The following LZIC variants were observed in gnomAD, a reference collection of about 807,000 sequenced individuals.
LZIC encodes the protein leucine zipper and CTNNBIP1 domain containing.
A neutral mutation model predicts 25.4 loss-of-function variants in LZIC; 28 were observed. That is an observed-to-expected ratio of 1.10 (90% CI 0.82 to 1.51). The LOEUF is 1.51. Among genes scored for constraint, LZIC ranks in the 40% most tolerant of loss-of-function variants. The pLI is 0.00. For missense variants in LZIC, 170 were observed against 211.1 expected (o/e 0.81, Z 1.21); for synonymous variants, 65 against 70.7 (o/e 0.92, Z 0.40).
At chr1:9,934,928 G>GA (rs1412077202) in intron 4 of LZIC, 68 bp from the exon 5 acceptor site, 1 of 1,115,644 alleles carries the variant, frequency 9.0e-7, no homozygotes, top group Non-Finnish European at 1.4e-6. Flanking sequence ...ATAACTGATT[G>GA]ACGGATCCTT....
chr1:9,936,121 T>A (rs1422135604), intron 3 of LZIC, among the ~76,000 whole-genome samples: 3 of 96,778 alleles, frequency 3.1e-5, no homozygotes, highest in Non-Finnish European at 4.7e-5. Flanking sequence ...ACAGCAAGAC[T>A]CTGTCTCAAA....
intron 4 of LZIC, 23 bp from the exon 5 acceptor site, chr1:9,934,883 A>C: frequency 6.5e-7 from 1 of 1,548,930 alleles, no homozygotes; most frequent in Non-Finnish European, 8.9e-7. Flanking sequence ...GAAGGCAAAA[A>C]CTAACCAAAA....
At position 9,931,960 on chromosome 1, in the gene LZIC, C is replaced by G. The variant is rs1640232028; in HGVS notation, c.445G>C (p.Asp149His). The G allele has an allele frequency of 6.2e-7, 1 of 1,613,240 alleles. No individual in the cohort carries two copies. The highest frequency in any genetic ancestry group is 1.1e-5 in the South Asian group (1 of 91,026). The change falls in exon 7 of 8, where the codon GAT becomes CAT. Residue 149 changes from aspartate (D) to histidine (H), a missense_variant. Coordinates refer to ENST00000377223, the MANE Select transcript of LZIC (RefSeq NM_032368.5). ...GCATTTGCTGACAAGAAGGCCTCAT[C>G]ATCTGCAGTCAGCTAAACAAAATGA... ...RKLGEKLTAD[D>H]EAFLSANAGA...
rs370658448 is a variant in LZIC, at chr1:9,940,269, C to T, written c.-9+2355G>A. Among the ~76,000 whole-genome samples the T allele has an allele frequency of 1.2e-4, 19 of 152,158 alleles. No individual in the cohort carries two copies. The East Asian group carries it at 1.4e-3, about 11-fold the overall frequency. ...TCAGCTCACTGCAAGCTCCGCCTCC[C>T]GGGTTCACACCATTCTCCTGCCTCA... On this transcript the variant is annotated intron_variant, in intron 2 of 7. Coordinates refer to ENST00000377223, the MANE Select transcript of LZIC (RefSeq NM_032368.5).
intron 2 of LZIC, among the ~76,000 whole-genome samples, chr1:9,942,239 A>G (rs1640786359): frequency 6.6e-6 from 1 of 152,154 alleles, no homozygotes; most frequent in Non-Finnish European, 1.5e-5. Flanking sequence ...TCTATTTAGC[A>G]CTTATTTCTG....
chr1:9,938,066 T>G (rs1000379633), intron 2 of LZIC, among the ~76,000 whole-genome samples: 4 of 152,044 alleles, frequency 2.6e-5, no homozygotes, highest in Admixed American at 1.3e-4. Context: ...TATATATATA[T>G]GTAGATCAAA....
At chr1:9,940,531 G>A (rs988380618) in intron 2 of LZIC, among the ~76,000 whole-genome samples, 3 of 152,028 alleles carry the variant, frequency 2.0e-5, no homozygotes, top group Admixed American at 1.3e-4. Flanking sequence ...TGTTAGCCAG[G>A]ATGGTCTCAA....
At position 9,932,778 on chromosome 1, in the gene LZIC, T is replaced by C. The variant is rs748791621; in HGVS notation, c.432+25A>G. 8 of 1,336,016 alleles carry C rather than the reference T, an allele frequency of 6.0e-6. No individual in the cohort carries two copies. In the South Asian group the frequency reaches 9.5e-5, roughly 16 times the overall value. 82.8% of individuals were successfully genotyped at this position (1,336,016 alleles called of 1,614,324 possible). Reference sequence around the variant, plus strand: ...CCAAATAATTCATACTTTTTCTTTGTAACTAATATATTAAATACTGGTACC... The same window carrying C: ...CCAAATAATTCATACTTTTTCTTTGCAACTAATATATTAAATACTGGTACC... On this transcript the variant is annotated intron_variant, in intron 6 of 7. Coordinates refer to ENST00000377223, the MANE Select transcript of LZIC (RefSeq NM_032368.5).
At chr1:9,924,177 T>C (rs979487928), downstream of LZIC, among the ~76,000 whole-genome samples, 1 of 152,240 alleles carries the variant, frequency 6.6e-6, no homozygotes, top group Non-Finnish European at 1.5e-5. Context: ...TGAGCCACTG[T>C]GCCCAGCCAA....
chr1:9,936,531 A>G lies in LZIC; in HGVS notation c.89T>C (p.Leu30Pro). The G allele has an allele frequency of 6.2e-7, 1 of 1,610,426 alleles. No individual in the cohort carries two copies. Among genetic ancestry groups the G allele is most frequent in the Non-Finnish European group, 8.5e-7 (1 of 1,176,748 alleles). The change falls in exon 3 of 8, where the codon CTG becomes CCG. Residue 30 changes from leucine to proline, a missense_variant. Physicochemically the swap from Leu to Pro is moderately conservative, Grantham distance 98. Transcript: ENST00000377223. ...LDRLMQQLQD[L>P]EECREELDTD... ...ATTAAACTCTTACCTGCATTCCTCC[A>G]GATCTTGTAATTGTTGCATGAGTCT... is the stretch of plus-strand genomic sequence containing the variant.
At position 9,927,097 on chromosome 1, in the gene LZIC, TTAAG is replaced by T. The variant is rs1233448138; in HGVS notation, c.*3298_*3301del. On this transcript the variant is annotated 3_prime_UTR_variant, in exon 8 of 8. Coordinates refer to ENST00000377223, the MANE Select transcript of LZIC (RefSeq NM_032368.5). ...GAAGAGAAAAGGAGGCTCAAAAAAA[TTAAG>T]TAACCCACAAAAAGTCACACAGCTG... Among the ~76,000 whole-genome samples, 2 of 152,258 alleles carry T rather than the reference TTAAG, an allele frequency of 1.3e-5. No individual in the cohort carries two copies. Among genetic ancestry groups the T allele is most frequent in the African/African-American group, 2.4e-5 (1 of 41,546 alleles).
At chr1:9,935,130 TA>T (rs372225447) in intron 4 of LZIC, among the ~76,000 whole-genome samples, 30 of 142,428 alleles carry the variant, frequency 2.1e-4, no homozygotes, top group East Asian at 1.2e-3. Context: ...ACCCCATCTC[TA>T]AAAAAAAAAA....
chr1:9,942,485 T>A (rs891705433), intron 2 of LZIC, 139 bp downstream of exon 2: 3 of 331,168 alleles, frequency 9.1e-6, no homozygotes, highest in Admixed American at 3.8e-5. Flanking sequence ...ACTACATTAG[T>A]TGAGATTTAT....
downstream of LZIC, among the ~76,000 whole-genome samples, chr1:9,924,137 C>T (rs1463711441): frequency 3.9e-5 from 6 of 152,196 alleles, no homozygotes; most frequent in Admixed American, 2.0e-4. Flanking sequence ...CCACCCGCCT[C>T]GGCCTCCCAA....
Position 9,935,614 on chromosome 1 carries a change from T to C in LZIC, c.115A>G (p.Thr39Ala), listed in dbSNP as rs769541885. The change falls in exon 4 of 8, where the codon ACA (threonine) becomes GCA (alanine). Residue 39 changes from threonine to alanine, a missense_variant. Thr to Ala is a moderately conservative substitution (Grantham distance 58, BLOSUM62 0). Coordinates refer to ENST00000377223, the MANE Select transcript of LZIC (RefSeq NM_032368.5). ...TTTTTGGTTTCTTCATATTCATCTG[T>C]ATCAAGTTCCTCTCTGAAATAGGTG... ...DLEECREELD[T>A]DEYEETKKET... is the part of the protein sequence containing the mutation. 3.7e-6 allele frequency: 6 copies of C among 1,601,426 alleles called. No individual in the cohort carries two copies. The East Asian group carries it at 1.1e-4, about 30-fold the overall frequency.
intron 4 of LZIC, among the ~76,000 whole-genome samples, 184 bp from the exon 5 acceptor site, chr1:9,935,044 G>A (rs12047085): frequency 1.3e-5 from 2 of 152,090 alleles, no homozygotes; most frequent in East Asian, 3.9e-4. Flanking sequence ...TCATCTAGAA[G>A]TTACACCTTG....
At chr1:9,935,448 A>G (rs772627268) in intron 4 of LZIC, 44 bp downstream of exon 4, 2 of 1,547,832 alleles carry the variant, frequency 1.3e-6, no homozygotes, top group Middle Eastern at 1.8e-4. Flanking sequence ...AAGAACAAAC[A>G]AAAAAACAAA....
chr1:9,928,920 T>C lies in LZIC; in HGVS notation c.*1479A>G, dbSNP rs183728095. The C allele has an allele frequency of 1.1e-4, 16 of 149,406 alleles. No homozygotes were observed. Among genetic ancestry groups the C allele is most frequent in the Admixed American group, 1.0e-3 (15 of 15,010 alleles). The allele number at this position is 149,406 out of a possible 1,614,324, so 9.3% of individuals were successfully genotyped here. A position where few individuals can be genotyped will look rare whatever the true frequency, so the allele number is the denominator to read the frequency against. ...ATTATGCTAAGTGAAAGAAGCCAGATACATAAAAAGGTCACATATCATATG... is the reference window on the plus strand; with the variant it reads ...ATTATGCTAAGTGAAAGAAGCCAGACACATAAAAAGGTCACATATCATATG... On this transcript the variant is annotated 3_prime_UTR_variant, in exon 8 of 8. Coordinates refer to ENST00000377223, the MANE Select transcript of LZIC (RefSeq NM_032368.5).
intron 2 of LZIC, among the ~76,000 whole-genome samples, chr1:9,940,762 T>C (rs1640689200): frequency 6.6e-6 from 1 of 152,212 alleles, no homozygotes; most frequent in Non-Finnish European, 1.5e-5. Flanking sequence ...AAAATTGGCA[T>C]AAGTCATCTA....
Sources: gnomAD v4.1 joint callset for allele counts (sites outside exome capture counted in the v4.1 genomes callset) on GRCh38, gnomAD v4.1.1 for gene constraint, MANE v1.5 for transcripts, NCBI Gene and HGNC (gene_info 2026-07-23, HGNC 2026-07-21) for gene names.